Variants in SLC16A13 observed in about 807,000 individuals in gnomAD.
The protein encoded by SLC16A13 is solute carrier family 16 member 13, also known as monocarboxylate transporter 13.
Under a neutral mutation model 28.1 loss-of-function variants are expected in SLC16A13, and 28 were observed. The ratio of observed to expected loss-of-function variants is 1.00; its 90% CI spans 0.74 to 1.37. The LOEUF (loss-of-function observed/expected upper bound fraction) is 1.37, where lower values mean the gene tolerates loss of function less well. SLC16A13 is among the 40% of genes most tolerant of loss of function. SLC16A13 has a pLI of 0.00. For synonymous variants in SLC16A13, 228 were observed against 241.6 expected (o/e 0.94, Z 0.52); for missense variants, 482 against 531.8 (o/e 0.91, Z 0.92).
In SLC16A13 at chr17:7,036,851, G is replaced by A; in HGVS notation, c.324G>A (p.Leu108=). The stretch of plus-strand genomic sequence containing the variant: ...CTACTTCCTTGACCCACCTATACCT[G>A]AGTATTGGGTTGCTGTCAGGTGAGA... ...SFATSLTHLY[L]SIGLLSGSGW... The change falls in exon 2 of 4, where the codon CTG becomes CTA. Residue 108 remains leucine (L), a synonymous_variant. Transcript: ENST00000308027. 4 of 1,613,214 alleles carry A rather than the reference G, an allele frequency of 2.5e-6. No homozygotes were observed. The highest frequency in any genetic ancestry group is 3.4e-6 in the Non-Finnish European group (4 of 1,180,014).
chr17:7,039,671 GATAAGTC>G lies in SLC16A13; in HGVS notation c.1082-91_1082-85del. ...ATGGGAGTTCCAACTCCTCTGAGAT[GATAAGTC>G]TTCCCTCCACCCAAAAATGTATCTG... On this transcript the variant is annotated intron_variant, in intron 3 of 3. Transcript: ENST00000308027. This position sits in a 1 kb window ranked among gnomAD's most constrained non-coding sequence, Gnocchi z 4.3. The G allele has an allele frequency of 7.5e-7, 1 of 1,335,116 alleles. No individual in the cohort carries two copies. The allele number at this position is 1,335,116 out of a possible 1,614,324, so 82.7% of individuals were successfully genotyped here.
chr17:7,038,399 C>T lies in SLC16A13; in HGVS notation c.591C>T (p.Asp197=). Residue 197 remains aspartate (D), a synonymous_variant, in exon 3 of 4, where the codon GAC becomes GAT. Transcript: ENST00000308027. The surrounding 1 kb of genome is among the most constrained non-coding windows in gnomAD (Gnocchi z 5.7). The stretch of plus-strand genomic sequence containing the variant: ...TCCGCCCACCCTCCCTGGCTGAGGA[C>T]CCTGCTGTGGGTGGTCCCAGGGCCC... ...ALLRPPSLAE[D]PAVGGPRAQL... is the part of the protein sequence containing the mutation. 1 of 1,614,158 alleles carries T rather than the reference C, an allele frequency of 6.2e-7. No homozygotes were observed. The highest frequency in any genetic ancestry group is 8.5e-7 in the Non-Finnish European group (1 of 1,180,028).
rs138576072 is a variant in SLC16A13, at chr17:7,038,218, G to A, written c.410G>A (p.Arg137Gln). ...CTGTCCTGTTATTTCTCTCGCCGACGATCCCTGGCCACCGGGCTGGCACTG... is the reference window on the plus strand; with the variant it reads ...CTGTCCTGTTATTTCTCTCGCCGACAATCCCTGGCCACCGGGCTGGCACTG... Reference protein sequence around the residue: ...ACLSCYFSRRRSLATGLALTG... With the variant: ...ACLSCYFSRRQSLATGLALTG... Residue 137 changes from arginine (R) to glutamine (Q), a missense_variant, in exon 3 of 4, where the codon CGA becomes CAA. Physicochemically the swap from Arg to Gln is conservative, Grantham distance 43. Transcript: ENST00000308027. This position sits in a 1 kb window ranked among gnomAD's most constrained non-coding sequence, Gnocchi z 5.7. 28 of 1,613,978 alleles carry A rather than the reference G, an allele frequency of 1.7e-5. No homozygotes were observed. The Middle Eastern group carries it at 4.9e-4, about 28-fold the overall frequency.
Position 7,039,950 on chromosome 17 carries a change from G to A in SLC16A13, c.1269G>A (p.Leu423=), listed in dbSNP as rs767138348. ...DTKVPLPKEG[L]EED ...AAGTTCCCCTACCCAAGGAGGGGCT[G>A]GAAGAGGACTGAACTCCACAGAGTC... The change falls in exon 4 of 4, where the codon CTG becomes CTA. Residue 423 remains leucine (L), a synonymous_variant. Transcript: ENST00000308027. This position sits in a 1 kb window ranked among gnomAD's most constrained non-coding sequence, Gnocchi z 4.3. 1.2e-6 allele frequency: 2 copies of A among 1,613,500 alleles called. No individual in the cohort carries two copies. Among genetic ancestry groups the A allele is most frequent in the Non-Finnish European group, 1.7e-6 (2 of 1,179,962 alleles).
chr17:7,040,046 G>A lies in SLC16A13; in HGVS notation c.*84G>A, dbSNP rs1310913268. 9 of 1,287,514 alleles carry A rather than the reference G, an allele frequency of 7.0e-6. No homozygotes were observed. The Admixed American group carries it at 1.5e-4, about 22-fold the overall frequency. 79.8% of individuals were successfully genotyped at this position (1,287,514 alleles called of 1,614,324 possible). ...ACGTCTTGGTCTCCACAGAACCACA[G>A]TGCCTTAAGATTCTTGATCTGCCTC... On this transcript the variant is annotated 3_prime_UTR_variant, in exon 4 of 4. Coordinates refer to ENST00000308027, the MANE Select transcript of SLC16A13 (RefSeq NM_201566.3).
At chr17:7,037,473 TC>T (rs1346618012) in intron 2 of SLC16A13, among the ~76,000 whole-genome samples, 1 of 149,646 alleles carries the variant, frequency 6.7e-6, no homozygotes, top group Non-Finnish European at 1.5e-5. Context: ...ACGCCTGTAA[TC>T]CCAGCACTTT....
chr17:7,038,749 A>G lies in SLC16A13; in HGVS notation c.941A>G (p.Tyr314Cys). The change falls in exon 3 of 4, where the codon TAC (tyrosine) becomes TGC (cysteine). Residue 314 changes from tyrosine to cysteine, a missense_variant. Tyr to Cys is a radical substitution (Grantham distance 194). Coordinates refer to ENST00000308027, the MANE Select transcript of SLC16A13 (RefSeq NM_201566.3). The surrounding 1 kb of genome is among the most constrained non-coding windows in gnomAD (Gnocchi z 5.7). ...PTALVALAVA[Y>C]GFTSGALAPL... The stretch of plus-strand genomic sequence containing the variant: ...GCCCTGGTGGCTCTGGCTGTGGCCT[A>G]CGGCTTCACATCAGGGGCTCTGGCC... 6.2e-7 allele frequency: 1 copy of G among 1,614,078 alleles called. No individual in the cohort carries two copies. The highest frequency in any genetic ancestry group is 1.6e-4 in the Middle Eastern group (1 of 6,062).
chr17:7,039,733 A>T lies in SLC16A13; in HGVS notation c.1082-30A>T. 6.2e-7 allele frequency: 1 copy of T among 1,612,568 alleles called. No individual in the cohort carries two copies. Among genetic ancestry groups the T allele is most frequent in the Non-Finnish European group, 8.5e-7 (1 of 1,178,784 alleles). On this transcript the variant is annotated intron_variant, in intron 3 of 3. Transcript: ENST00000308027. The surrounding 1 kb of genome is among the most constrained non-coding windows in gnomAD (Gnocchi z 4.3). ...CTCAGCCCCAGCAAATAGATCACTC[A>T]TGTGTATTCTTTTTCTCTCTTGGAC...
At position 7,040,059 on chromosome 17, in the gene SLC16A13, C is replaced by A; in HGVS notation, c.*97C>A. On this transcript the variant is annotated 3_prime_UTR_variant, in exon 4 of 4. Coordinates refer to ENST00000308027, the MANE Select transcript of SLC16A13 (RefSeq NM_201566.3). ...CACAGAACCACAGTGCCTTAAGATTCTTGATCTGCCTCCCCCTAGAGCAGG... is the reference window on the plus strand; with the variant it reads ...CACAGAACCACAGTGCCTTAAGATTATTGATCTGCCTCCCCCTAGAGCAGG... The A allele has an allele frequency of 1.8e-6, 2 of 1,099,732 alleles. No homozygotes were observed. Among genetic ancestry groups the A allele is most frequent in the Non-Finnish European group, 2.7e-6 (2 of 753,880 alleles). 68.1% of individuals were successfully genotyped at this position (1,099,732 alleles called of 1,614,324 possible). A position where few individuals can be genotyped will look rare whatever the true frequency, so the allele number is the denominator to read the frequency against.
In SLC16A13 at chr17:7,038,919, G is replaced by T; in HGVS notation, c.1081+30G>T. ...GTGGAATGGGGTTCCCAGGGGGTGA[G>T]GGCTGCCATGTTGCACAACTAGGGG... On this transcript the variant is annotated intron_variant, in intron 3 of 3. Transcript: ENST00000308027. The surrounding 1 kb of genome is among the most constrained non-coding windows in gnomAD (Gnocchi z 5.7). 1 of 1,573,690 alleles carries T rather than the reference G, an allele frequency of 6.4e-7. No individual in the cohort carries two copies.
Position 7,038,227 on chromosome 17 carries a change from C to A in SLC16A13, c.419C>A (p.Ala140Asp). Residue 140 changes from alanine (A) to aspartate (D), a missense_variant, in exon 3 of 4, where the codon GCC becomes GAC. Coordinates refer to ENST00000308027, the MANE Select transcript of SLC16A13 (RefSeq NM_201566.3). This position sits in a 1 kb window ranked among gnomAD's most constrained non-coding sequence, Gnocchi z 5.7. ...TATTTCTCTCGCCGACGATCCCTGG[C>A]CACCGGGCTGGCACTGACAGGCGTG... ...SCYFSRRRSL[A>D]TGLALTGVGL... The A allele has an allele frequency of 3.7e-6, 6 of 1,614,168 alleles. No homozygotes were observed. The highest frequency in any genetic ancestry group is 5.1e-6 in the Non-Finnish European group (6 of 1,180,042).
At position 7,036,565 on chromosome 17, in the gene SLC16A13, G is replaced by A. The variant is rs1324374122; in HGVS notation, c.183G>A (p.Ala61=). 1.2e-6 allele frequency: 2 copies of A among 1,612,454 alleles called. No homozygotes were observed. The highest frequency in any genetic ancestry group is 1.7e-6 in the Non-Finnish European group (2 of 1,180,032). The change falls in exon 1 of 4, where the codon GCG becomes GCA. Residue 61 remains alanine, a synonymous_variant. Transcript: ENST00000308027. The part of the protein sequence containing the change: ...RVSWIASIGI[A]VQQFGSPVGS... ...CCTGGATCGCCTCCATAGGAATCGCGGTGCAGCAGTTTGGGAGTGAGTGCG... is the reference window on the plus strand; with the variant it reads ...CCTGGATCGCCTCCATAGGAATCGCAGTGCAGCAGTTTGGGAGTGAGTGCG...
rs546293343 is a variant in SLC16A13, at chr17:7,037,736, A to T, written c.344-416A>T. ...GCGAGACTCCGTCTCAAAAAAAAAA[A>T]AGAAAAAAAAAGGTGCTAGGTACTG... On this transcript the variant is annotated intron_variant, in intron 2 of 3. Coordinates refer to ENST00000308027, the MANE Select transcript of SLC16A13 (RefSeq NM_201566.3). Among the ~76,000 whole-genome samples the T allele has an allele frequency of 1.2e-3, 180 of 152,244 alleles. 1 individual carries two copies. The highest frequency in any genetic ancestry group is 4.2e-3 in the African/African-American group (173 of 41,568).
rs958429757 is a variant in SLC16A13, at chr17:7,036,218, T to G, written c.-165T>G. 7 of 660,456 alleles carry G rather than the reference T, an allele frequency of 1.1e-5. No individual in the cohort carries two copies. The highest frequency in any genetic ancestry group is 1.8e-5 in the African/African-American group (1 of 54,958). The allele number at this position is 660,456 out of a possible 1,614,324, so 40.9% of individuals were successfully genotyped here. ...TATATCGCCCCGCCTTGGGAAAAGGTGCAGGGGCCTCTCGCCGCCTCGTCG... is the reference window on the plus strand; with the variant it reads ...TATATCGCCCCGCCTTGGGAAAAGGGGCAGGGGCCTCTCGCCGCCTCGTCG... On this transcript the variant is annotated 5_prime_UTR_variant, in exon 1 of 4. Coordinates refer to ENST00000308027, the MANE Select transcript of SLC16A13 (RefSeq NM_201566.3).
At position 7,038,096 on chromosome 17, in the gene SLC16A13, A is replaced by T; in HGVS notation, c.344-56A>T. On this transcript the variant is annotated intron_variant, in intron 2 of 3. Coordinates refer to ENST00000308027, the MANE Select transcript of SLC16A13 (RefSeq NM_201566.3). The surrounding 1 kb of genome is among the most constrained non-coding windows in gnomAD (Gnocchi z 5.7). ...TCTGCTGCTGGGCAATGCGGGGATT[A>T]CTGTGTGCCTTGAGCTCCCTAAGAG... 6.4e-7 allele frequency: 1 copy of T among 1,555,110 alleles called. No individual in the cohort carries two copies. The highest frequency in any genetic ancestry group is 8.7e-7 in the Non-Finnish European group (1 of 1,152,082).
rs201673210 is a variant in SLC16A13, at chr17:7,038,179, C to A, written c.371C>A (p.Pro124Gln). ...TCTGGCTGGGCTTTGACCTTCGCTC[C>A]GACCCTGGCCTGCCTGTCCTGTTAT... is the stretch of plus-strand genomic sequence containing the variant. ...SGSGWALTFA[P>Q]TLACLSCYFS... is the part of the protein sequence containing the mutation. Residue 124 changes from proline (P) to glutamine (Q), a missense_variant, in exon 3 of 4, where the codon CCG becomes CAG. Coordinates refer to ENST00000308027, the MANE Select transcript of SLC16A13 (RefSeq NM_201566.3). The surrounding 1 kb of genome is among the most constrained non-coding windows in gnomAD (Gnocchi z 5.7). 1 of 1,613,704 alleles carries A rather than the reference C, an allele frequency of 6.2e-7. No individual in the cohort carries two copies. The highest frequency in any genetic ancestry group is 2.2e-5 in the East Asian group (1 of 44,880).
In SLC16A13 at chr17:7,039,257, A is replaced by G. The variant is rs1910661843; in HGVS notation, c.1081+368A>G. Among the ~76,000 whole-genome samples the G allele has an allele frequency of 6.6e-6, 1 of 152,186 alleles. No homozygotes were observed. Among genetic ancestry groups the G allele is most frequent in the Non-Finnish European group, 1.5e-5 (1 of 68,030 alleles). ...CACCTGGTCAAAGTTCTGCTGGCTC[A>G]GGGTGCCAGAACTTTCAGACCTTTA... On this transcript the variant is annotated intron_variant, in intron 3 of 3. Coordinates refer to ENST00000308027, the MANE Select transcript of SLC16A13 (RefSeq NM_201566.3). The surrounding 1 kb of genome is among the most constrained non-coding windows in gnomAD (Gnocchi z 4.3).
intron 2 of SLC16A13, among the ~76,000 whole-genome samples, chr17:7,037,388 C>T (rs1597344643): frequency 7.5e-6 from 1 of 132,740 alleles, no homozygotes; most frequent in East Asian, 2.2e-4. Context: ...AGCCCAGAAG[C>T]CCAGGGCTAA....
At chr17:7,037,608 C>G (rs939562294) in intron 2 of SLC16A13, among the ~76,000 whole-genome samples, 1 of 151,868 alleles carries the variant, frequency 6.6e-6, no homozygotes, top group African/African-American at 2.4e-5. Flanking sequence ...TGACTGTAGT[C>G]CCAGCTACTC....
Sources: gnomAD v4.1 joint callset for allele counts (sites outside exome capture counted in the v4.1 genomes callset) on GRCh38, gnomAD v4.1.1 for gene constraint, Gnocchi (gnomAD v3.1) non-coding constraint, MANE v1.5 for transcripts, NCBI Gene and HGNC (gene_info 2026-07-23, HGNC 2026-07-21) for gene names.